The following NRXN3 variants were observed in gnomAD, a reference collection of about 807,000 sequenced individuals.
The protein encoded by NRXN3 is neurexin 3.
NRXN3 carries 32 observed loss-of-function variants against 137.6 expected under a neutral mutation model. That is an observed-to-expected ratio of 0.23 (90% confidence interval 0.18 to 0.31). The LOEUF is 0.31. Among genes scored for constraint, NRXN3 ranks in the 10% least tolerant of loss-of-function variants. NRXN3 has a pLI of 1.00. For missense variants in NRXN3, 1,574 were observed against 2,062.5 expected (o/e 0.76, Z 4.59); for synonymous variants, 798 against 784.5 (o/e 1.02, Z -0.29).
chr14:78,745,226 C>T (rs911938603), intron 8 of NRXN3: 22 of 152,198 alleles, frequency 1.4e-4, no homozygotes, highest in African/African-American at 5.3e-4. Flanking sequence ...ATGCAGCTTT[C>T]CTCAGCTGTG....
At chr14:79,558,666 C>T (rs2097456493) in intron 16 of NRXN3, among the ~76,000 whole-genome samples, 1 of 151,296 alleles carries the variant, frequency 6.6e-6, no homozygotes, top group Non-Finnish European at 1.5e-5. Flanking sequence ...TGATAGAACA[C>T]AGGCAGAGTA....
chr14:78,675,425 T>C (rs2097992329), intron 6 of NRXN3, among the ~76,000 whole-genome samples: 1 of 152,230 alleles, frequency 6.6e-6, no homozygotes, highest in Non-Finnish European at 1.5e-5. Flanking sequence ...AGAAGCCAAG[T>C]GCATGGATCC....
rs529044829 is a variant in NRXN3 at position 78,597,123 on chromosome 14, C to T, written c.758-47997C>T. On this transcript the variant is annotated intron_variant, in intron 4 of 20. Transcript: ENST00000335750. ...TGAGGGCATAATCTGACCATCTGAT[C>T]CAGGCCAGCATACTGCTGGAGAAGA... Among the ~76,000 whole-genome samples the T allele has an allele frequency of 3.3e-5, 5 of 152,298 alleles. No homozygotes were observed. In the East Asian group the frequency reaches 9.7e-4, roughly 29 times the overall value.
intron 1 of NRXN3, among the ~76,000 whole-genome samples, chr14:78,220,776 C>T (rs576639082): frequency 9.2e-5 from 14 of 151,850 alleles, no homozygotes; most frequent in African/African-American, 2.4e-4. Flanking sequence ...TTAAAGGGAC[C>T]GTTTTTCATT....
intron 1 of NRXN3, among the ~76,000 whole-genome samples, chr14:78,181,054 C>T (rs1309961037): frequency 6.6e-6 from 1 of 152,204 alleles, no homozygotes; most frequent in Non-Finnish European, 1.5e-5. Flanking sequence ...TTTGGAACAG[C>T]CTCTCCTGCA....
chr14:78,355,568 A>G (rs1242043705), intron 4 of NRXN3, among the ~76,000 whole-genome samples: 2 of 152,072 alleles, frequency 1.3e-5, no homozygotes, highest in African/African-American at 4.8e-5. Context: ...ATAGGCACGT[A>G]CCACTATGCC....
At chr14:78,615,070 C>T (rs968687473) in intron 4 of NRXN3, 1 of 456,476 alleles carries the variant, frequency 2.2e-6, no homozygotes, top group African/African-American at 2.0e-5. Context: ...TTAGATTAGG[C>T]TAATTGTCCC....
chr14:78,780,011 G>A (rs538383975), intron 8 of NRXN3, among the ~76,000 whole-genome samples: 14 of 152,212 alleles, frequency 9.2e-5, no homozygotes, highest in Admixed American at 2.6e-4. Flanking sequence ...CAACTCTTGG[G>A]GGTGGGGAAA....
intron 8 of NRXN3, among the ~76,000 whole-genome samples, chr14:78,748,819 T>C (rs1030231911): frequency 6.6e-6 from 1 of 152,174 alleles, no homozygotes; most frequent in Admixed American, 6.5e-5. Flanking sequence ...ACAAATGCCA[T>C]GGCCAGAGCA....
At chr14:78,903,451 T>C (rs1185835597) in intron 10 of NRXN3, among the ~76,000 whole-genome samples, 1 of 152,036 alleles carries the variant, frequency 6.6e-6, no homozygotes, top group Admixed American at 6.6e-5. Context: ...TGAAGTTTCA[T>C]CTTTCTAGTC....
chr14:79,261,642 T>TGTGTGA (rs10699959), intron 15 of NRXN3, among the ~76,000 whole-genome samples: 37 of 33,964 alleles, frequency 1.1e-3, no homozygotes, highest in African/African-American at 4.6e-3. Flanking sequence ...TGTGTGTGTG[T>TGTGTGA]GATGGGGTGG....
chr14:78,171,823 A>T (rs1439213514), intron 1 of NRXN3, among the ~76,000 whole-genome samples: 1 of 152,136 alleles, frequency 6.6e-6, no homozygotes, highest in African/African-American at 2.4e-5. Context: ...CAATGAGAAC[A>T]TCATATTTTT....
chr14:78,813,510 GCTT>G (rs1238730834), intron 10 of NRXN3, among the ~76,000 whole-genome samples: 1 of 152,084 alleles, frequency 6.6e-6, no homozygotes, highest in Non-Finnish European at 1.5e-5. Context: ...TCAAAACAGA[GCTT>G]CTTTTTTTTT....
intron 4 of NRXN3, among the ~76,000 whole-genome samples, chr14:78,601,420 A>G (rs1566859024): frequency 6.6e-6 from 1 of 151,682 alleles, no homozygotes; most frequent in Admixed American, 6.6e-5. Flanking sequence ...CCTTCATGCA[A>G]GTTTCTCATC....
At chr14:78,651,054 C>A in intron 5 of NRXN3, 111 bp from the exon 6 acceptor site, 4 of 1,018,672 alleles carry the variant, frequency 3.9e-6, no homozygotes, top group East Asian at 2.6e-5. Flanking sequence ...GAAAGTATAT[C>A]TCATGAAAAT....
intron 8 of NRXN3, among the ~76,000 whole-genome samples, chr14:78,720,978 A>G (rs72685424): frequency 0.11 from 17,337 of 152,188 alleles, 1,142 homozygotes; most frequent in African/African-American, 0.18. Context: ...TTATATTAAG[A>G]GAAGACACAC....
chr14:78,227,527 A>T (rs2064833601), intron 1 of NRXN3, among the ~76,000 whole-genome samples: 1 of 152,170 alleles, frequency 6.6e-6, no homozygotes, highest in South Asian at 2.1e-4. Context: ...CCTGTTTTCC[A>T]TTCTCAGCTC....
intron 15 of NRXN3, chr14:79,201,483 A>C (rs908042725): frequency 2.0e-5 from 3 of 152,160 alleles, no homozygotes; most frequent in African/African-American, 7.2e-5. Context: ...TATTTTATTT[A>C]TTTTAACATA....
chr14:78,413,143 A>G (rs1378769528), intron 4 of NRXN3, among the ~76,000 whole-genome samples: 1 of 152,140 alleles, frequency 6.6e-6, no homozygotes, highest in African/African-American at 2.4e-5. Flanking sequence ...AAAAGCTACA[A>G]GGAAGTGAGG....
Sources: allele counts gnomAD v4.1 joint callset (sites outside exome capture counted in the v4.1 genomes callset), GRCh38; gene constraint gnomAD v4.1.1; transcripts MANE v1.5; gene names NCBI Gene and HGNC (gene_info 2026-07-23, HGNC 2026-07-21).